SNX29: variants seen among roughly 807,000 people sequenced by gnomAD.
SNX29 encodes sorting nexin-29.
A neutral mutation model predicts 102.1 loss-of-function variants in SNX29; 78 were observed. The ratio of observed to expected loss-of-function variants is 0.76; its 90% CI spans 0.64 to 0.92. The LOEUF (loss-of-function observed/expected upper bound fraction) is 0.92, where lower values mean the gene tolerates loss of function less well. Ranked by LOEUF, SNX29 falls within the 40% of genes least tolerant of loss-of-function variation. The pLI, the probability that SNX29 is intolerant of heterozygous loss-of-function variation, is 0.00. For missense variants in SNX29, 1,280 were observed against 1,061.7 expected (o/e 1.21, Z -2.86); for synonymous variants, 580 against 414.5 (o/e 1.40, Z -4.85).
intron 14 of SNX29, among the ~76,000 whole-genome samples, chr16:12,233,205 T>A (rs942460007): frequency 6.6e-6 from 1 of 152,142 alleles, no homozygotes; most frequent in East Asian, 1.9e-4. Flanking sequence ...CCATCAATGG[T>A]AGACTGGATA....
chr16:12,238,097 G>A (rs1465236495), intron 14 of SNX29, among the ~76,000 whole-genome samples: 6 of 152,138 alleles, frequency 3.9e-5, no homozygotes, highest in African/African-American at 1.4e-4. Flanking sequence ...GATGAACCTC[G>A]GTGGAGGGGC....
chr16:12,380,507 T>C (rs1263931021), intron 16 of SNX29, among the ~76,000 whole-genome samples: 27 of 17,402 alleles, frequency 1.6e-3, no homozygotes, highest in African/African-American at 2.5e-3. Context: ...CCTATCCACC[T>C]ACCCACCCCT....
intron 9 of SNX29, among the ~76,000 whole-genome samples, chr16:12,068,689 C>T (rs866134676): frequency 5.3e-5 from 8 of 152,146 alleles, no homozygotes; most frequent in African/African-American, 1.7e-4. Flanking sequence ...GGATTACAGT[C>T]GTGCACCAAC....
At chr16:12,059,218 T>C (rs2050665445) in intron 8 of SNX29, among the ~76,000 whole-genome samples, 1 of 152,144 alleles carries the variant, frequency 6.6e-6, no homozygotes, top group Non-Finnish European at 1.5e-5. Context: ...CAGCAGAACA[T>C]CGCACCTGCC....
intron 19 of SNX29, among the ~76,000 whole-genome samples, chr16:12,499,842 A>C (rs1482273492): frequency 6.6e-6 from 1 of 151,952 alleles, no homozygotes; most frequent in African/African-American, 2.4e-5. Flanking sequence ...TGCCTGGCTA[A>C]TTTTTGTATT....
At chr16:12,299,354 C>A (rs527499194) in intron 15 of SNX29, among the ~76,000 whole-genome samples, 1 of 152,142 alleles carries the variant, frequency 6.6e-6, no homozygotes, top group Non-Finnish European at 1.5e-5. Flanking sequence ...TTTTCCAGTT[C>A]ATCACAGTAA....
intron 18 of SNX29, among the ~76,000 whole-genome samples, chr16:12,457,548 A>G (rs1336433466): frequency 6.6e-6 from 1 of 152,226 alleles, no homozygotes; most frequent in Non-Finnish European, 1.5e-5. Flanking sequence ...GTCTGGAGGA[A>G]GAACACAGAT....
intron 14 of SNX29, among the ~76,000 whole-genome samples, chr16:12,267,022 C>T (rs959674276): frequency 2.0e-5 from 3 of 152,162 alleles, no homozygotes; most frequent in African/African-American, 4.8e-5. Context: ...CTCAGCCTCC[C>T]AAAGTGCTGG....
intron 13 of SNX29, among the ~76,000 whole-genome samples, chr16:12,136,672 C>G (rs58662324): frequency 0.052 from 7,899 of 152,294 alleles, 224 homozygotes; most frequent in Middle Eastern, 0.068. Context: ...GAGACTCGCA[C>G]AGGATCCAAA....
intron 20 of SNX29, among the ~76,000 whole-genome samples, chr16:12,557,041 C>T (rs1046249800): frequency 3.6e-5 from 5 of 138,722 alleles, no homozygotes; most frequent in Non-Finnish European, 6.1e-5. Flanking sequence ...AAGATGAGGT[C>T]TTGCTATGTG....
At chr16:11,995,916 C>T (rs866679625) in intron 1 of SNX29, among the ~76,000 whole-genome samples, 62 of 152,096 alleles carry the variant, frequency 4.1e-4, no homozygotes, top group African/African-American at 1.3e-3. Flanking sequence ...AAAAATTAGC[C>T]GGGCGTGGTG....
intron 15 of SNX29, among the ~76,000 whole-genome samples, chr16:12,284,850 G>A (rs780657154): frequency 1.3e-4 from 20 of 151,716 alleles, no homozygotes; most frequent in Non-Finnish European, 1.8e-4. Flanking sequence ...TCAGCCTCCC[G>A]AGTAGCTGAG....
At chr16:12,345,454 G>T (rs372481642) in intron 15 of SNX29, among the ~76,000 whole-genome samples, 1 of 152,200 alleles carries the variant, frequency 6.6e-6, no homozygotes, top group Non-Finnish European at 1.5e-5. Context: ...GGACCAGTGG[G>T]AGCTCTATCT....
chr16:12,526,334 A>G (rs545138126), intron 20 of SNX29, among the ~76,000 whole-genome samples: 1 of 152,070 alleles, frequency 6.6e-6, no homozygotes, highest in African/African-American at 2.4e-5. Context: ...CAGCGGTACC[A>G]TCCAGATCGA....
chr16:11,988,440 C>T (rs183806624), intron 1 of SNX29, among the ~76,000 whole-genome samples: 2 of 152,294 alleles, frequency 1.3e-5, no homozygotes, highest in African/African-American at 4.8e-5. Flanking sequence ...CTGTGTCACT[C>T]AGGTTGGAGT....
chr16:12,333,969 G>A (rs1242912178), intron 15 of SNX29, among the ~76,000 whole-genome samples: 3 of 152,170 alleles, frequency 2.0e-5, no homozygotes, highest in African/African-American at 7.2e-5. Context: ...GTAACCTCAT[G>A]GGGATGTTCC....
intron 4 of SNX29, among the ~76,000 whole-genome samples, chr16:12,034,642 T>C (rs11865132): frequency 0.38 from 58,224 of 151,972 alleles, 11,697 homozygotes; most frequent in Middle Eastern, 0.45. Context: ...TGAATGTGTC[T>C]CAGCATGTTA....
chr16:12,164,997 C>T (rs1448356765), intron 13 of SNX29, among the ~76,000 whole-genome samples: 1 of 152,114 alleles, frequency 6.6e-6, no homozygotes, highest in East Asian at 1.9e-4. Flanking sequence ...CTTATTCATG[C>T]CTTTTTGACT....
Position 12,410,196 on chromosome 16 carries a change from G to A in SNX29, c.2037+6667G>A, listed in dbSNP as rs537899046. 1.8e-4 allele frequency among the ~76,000 whole-genome samples: 27 copies of A among 152,188 alleles called. 1 individual carries two copies. Among genetic ancestry groups the A allele is most frequent in the Admixed American group, 1.6e-3 (24 of 15,302 alleles). On this transcript the variant is annotated intron_variant, in intron 18 of 20. Transcript: ENST00000566228. ...GTTTTAGTAGAGACAGGGTTTCGCTGTGTTAGCCAGGGTGGTCTTGATCTT... is the reference window on the plus strand; with the variant it reads ...GTTTTAGTAGAGACAGGGTTTCGCTATGTTAGCCAGGGTGGTCTTGATCTT...
Sources: gnomAD v4.1 joint callset for allele counts (sites outside exome capture counted in the v4.1 genomes callset) on GRCh38, gnomAD v4.1.1 for gene constraint, MANE v1.5 for transcripts, NCBI Gene and HGNC (gene_info 2026-07-23, HGNC 2026-07-21) for gene names.